SCCPDH: variants seen among roughly 807,000 people sequenced by gnomAD.
SCCPDH encodes the protein saccharopine dehydrogenase (putative).
In SCCPDH, 34 loss-of-function variants were observed where a neutral mutation model predicts 51.5. The ratio of observed to expected loss-of-function variants is 0.66; its 90% CI spans 0.50 to 0.88. The LOEUF (loss-of-function observed/expected upper bound fraction) is 0.88, where lower values mean the gene tolerates loss of function less well. Ranked by LOEUF, SCCPDH falls within the 40% of genes least tolerant of loss-of-function variation. The pLI is 0.00. For missense variants in SCCPDH, 464 were observed against 527.1 expected (o/e 0.88, Z 1.17); for synonymous variants, 187 against 191.3 (o/e 0.98, Z 0.19).
At chr1:246,725,087 G>C (rs1168152020) in intron 1 of SCCPDH, among the ~76,000 whole-genome samples, 1 of 152,166 alleles carries the variant, frequency 6.6e-6, no homozygotes, top group African/African-American at 2.4e-5. Context: ...CTTACGAGTT[G>C]TACTGACAGT....
intron 4 of SCCPDH, among the ~76,000 whole-genome samples, chr1:246,743,146 C>T (rs893673552): frequency 6.6e-6 from 1 of 152,096 alleles, no homozygotes; most frequent in East Asian, 1.9e-4. Context: ...GTCACCTAGG[C>T]TGGAGTGCAG....
chr1:246,744,303 A>C (rs114571837), intron 5 of SCCPDH, among the ~76,000 whole-genome samples, 178 bp downstream of exon 5: 2,196 of 151,690 alleles, frequency 0.014, 50 homozygotes, highest in African/African-American at 0.05. Flanking sequence ...TTTTCTTTTT[A>C]TTTTATTTTA....
chr1:246,740,638 A>G (rs1668662100), intron 4 of SCCPDH, among the ~76,000 whole-genome samples: 1 of 152,246 alleles, frequency 6.6e-6, no homozygotes, highest in African/African-American at 2.4e-5. Flanking sequence ...TTTGTATATT[A>G]TAGTTAAAAG....
intron 2 of SCCPDH, among the ~76,000 whole-genome samples, chr1:246,732,096 C>A (rs985569281): frequency 1.3e-5 from 2 of 152,176 alleles, no homozygotes; most frequent in African/African-American, 4.8e-5. Flanking sequence ...GCCACGTTTT[C>A]TTAATCCAGT....
At chr1:246,738,159 G>GC (rs1013641592) in intron 3 of SCCPDH, among the ~76,000 whole-genome samples, 1 of 152,096 alleles carries the variant, frequency 6.6e-6, no homozygotes, top group African/African-American at 2.4e-5. Flanking sequence ...TTGCGCCACT[G>GC]CACTCCAGCC....
intron 2 of SCCPDH, among the ~76,000 whole-genome samples, chr1:246,728,571 T>C (rs1668437599): frequency 6.6e-6 from 1 of 152,266 alleles, no homozygotes; most frequent in Non-Finnish European, 1.5e-5. Context: ...AGCTCTGCTC[T>C]ATTTCCCTCA....
rs145687098 is a variant in SCCPDH at position 246,749,184 on chromosome 1, C to G, written c.564+5059C>G. Among the ~76,000 whole-genome samples the G allele has an allele frequency of 4.5e-3, 687 of 152,250 alleles. 6 individuals are homozygous for G. The highest frequency in any genetic ancestry group is 0.015 in the African/African-American group (642 of 41,546). On this transcript the variant is annotated intron_variant, in intron 5 of 11. Coordinates refer to ENST00000366510, the MANE Select transcript of SCCPDH (RefSeq NM_016002.3). ...CTCATGCCCAGTCATGAGAGAACCACCCAGGTGGAAAGGGGACAGTTTGGG... is the reference window on the plus strand; with the variant it reads ...CTCATGCCCAGTCATGAGAGAACCAGCCAGGTGGAAAGGGGACAGTTTGGG...
rs202184044 is a variant in SCCPDH, at chr1:246,740,281, A to G, written c.494A>G (p.Tyr165Cys). ...DSIPADLGVI[Y>C]TRNKMNGTLT... ...ATTCCAGCAGATCTGGGAGTAATAT[A>G]TACCAGAAATAAAATGAATGGTAAT... The change falls in exon 4 of 12, where the codon TAT (tyrosine) becomes TGT (cysteine). Residue 165 changes from tyrosine (Y) to cysteine (C), a missense_variant. Tyr to Cys is a radical substitution (Grantham distance 194). Coordinates refer to ENST00000366510, the MANE Select transcript of SCCPDH (RefSeq NM_016002.3). 6.3e-6 allele frequency: 10 copies of G among 1,598,342 alleles called. No homozygotes were observed. The South Asian group carries it at 6.8e-5, about 11-fold the overall frequency.
rs1470976580 is a variant in SCCPDH, at chr1:246,759,065, G to A, written c.727G>A (p.Gly243Ser). 1 of 1,610,890 alleles carries A rather than the reference G, an allele frequency of 6.2e-7. No homozygotes were observed. The highest frequency in any genetic ancestry group is 1.7e-5 in the Admixed American group (1 of 60,012). Reference protein sequence around the residue: ...WPISYCRELKGYSIPFMGSDV... With the variant: ...WPISYCRELKSYSIPFMGSDV... ...AATTTCTTATTGTCGGGAACTCAAA[G>A]GTTATTCCATTCCTTTTATGGGATC... The change falls in exon 7 of 12, where the codon GGT becomes AGT. Residue 243 changes from glycine (G) to serine (S), a missense_variant. Transcript: ENST00000366510.
intron 2 of SCCPDH, among the ~76,000 whole-genome samples, chr1:246,733,100 T>C (rs1441118686): frequency 6.6e-6 from 1 of 152,186 alleles, no homozygotes; most frequent in African/African-American, 2.4e-5. Flanking sequence ...ATTTTTATTT[T>C]TTTGAGATGG....
intron 5 of SCCPDH, among the ~76,000 whole-genome samples, chr1:246,744,941 C>T (rs1047008290): frequency 1.3e-5 from 2 of 152,136 alleles, no homozygotes; most frequent in African/African-American, 4.8e-5. Flanking sequence ...AATATAATTT[C>T]TTTTAAAAAC....
chr1:246,743,141 C>T (rs1668704654), intron 4 of SCCPDH, among the ~76,000 whole-genome samples: 1 of 152,050 alleles, frequency 6.6e-6, no homozygotes, highest in Non-Finnish European at 1.5e-5. Context: ...TTTCTGTCAC[C>T]TAGGCTGGAG....
chr1:246,729,761 G>A (rs758260176), intron 2 of SCCPDH, among the ~76,000 whole-genome samples: 1 of 152,204 alleles, frequency 6.6e-6, no homozygotes, highest in African/African-American at 2.4e-5. Context: ...GATTGGGGAA[G>A]TGATAAATGT....
chr1:246,728,958 A>G (rs1668443684), intron 2 of SCCPDH, among the ~76,000 whole-genome samples: 1 of 152,236 alleles, frequency 6.6e-6, no homozygotes, highest in Non-Finnish European at 1.5e-5. Context: ...AAAGAGAAAG[A>G]GTACAAAGAG....
At chr1:246,763,660 T>G (rs985777827) in intron 9 of SCCPDH, among the ~76,000 whole-genome samples, 3 of 152,104 alleles carry the variant, frequency 2.0e-5, no homozygotes, top group Admixed American at 6.5e-5. Flanking sequence ...TCCCCCCCTT[T>G]CCTCCTACTA....
At chr1:246,731,678 G>T (rs759456175) in intron 2 of SCCPDH, among the ~76,000 whole-genome samples, 2 of 152,206 alleles carry the variant, frequency 1.3e-5, no homozygotes, top group East Asian at 3.8e-4. Context: ...GACATGCTAA[G>T]AAATTTGGAC....
At chr1:246,759,738 C>T (rs1161758595) in intron 7 of SCCPDH, among the ~76,000 whole-genome samples, 1 of 152,196 alleles carries the variant, frequency 6.6e-6, no homozygotes, top group Non-Finnish European at 1.5e-5. Flanking sequence ...AAAAAGTAGA[C>T]TATCATACTT....
At chr1:246,750,861 G>A (rs1668841754) in intron 5 of SCCPDH, among the ~76,000 whole-genome samples, 2 of 152,226 alleles carry the variant, frequency 1.3e-5, no homozygotes, top group African/African-American at 4.8e-5. Context: ...CTTCCCCCAA[G>A]GGGTAATCTT....
At chr1:246,733,276 A>T (rs1668518734) in intron 2 of SCCPDH, among the ~76,000 whole-genome samples, 1 of 151,674 alleles carries the variant, frequency 6.6e-6, no homozygotes, top group Non-Finnish European at 1.5e-5. Flanking sequence ...TTGTAGAGAC[A>T]GGGTTTTGCC....
Sources: allele counts gnomAD v4.1 joint callset (sites outside exome capture counted in the v4.1 genomes callset), GRCh38; gene constraint gnomAD v4.1.1; transcripts MANE v1.5; gene names NCBI Gene and HGNC (gene_info 2026-07-23, HGNC 2026-07-21).